The following COQ6 variants were observed in gnomAD, a reference collection of about 807,000 sequenced individuals.
COQ6 encodes the protein ubiquinone biosynthesis monooxygenase COQ6, mitochondrial.
COQ6 carries 45 observed loss-of-function variants against 55.5 expected under a neutral mutation model. That is an observed-to-expected ratio of 0.81 (90% CI 0.64 to 1.04). The LOEUF is 1.04. COQ6 is among the 50% of genes least tolerant of loss of function. The probability of loss-of-function intolerance (pLI) is 0.00; values close to 1 mark genes in which losing one functional copy is unlikely to be tolerated. For synonymous variants in COQ6, 206 were observed against 230.5 expected (o/e 0.89, Z 0.96); for missense variants, 550 against 601.3 (o/e 0.91, Z 0.89).
At position 73,963,113 on chromosome 14, in the gene COQ6, TTC is replaced by T. The variant is rs1566696422; in HGVS notation, c.*118_*119del. Reference sequence around the variant, plus strand: ...TTAATAAACTTACTTTACATTAAAATTCTCTTTTTCTTCTTTGCTTAATGGGC... The same window carrying T: ...TTAATAAACTTACTTTACATTAAAATTCTTTTTCTTCTTTGCTTAATGGGC... On this transcript the variant is annotated 3_prime_UTR_variant, in exon 12 of 12. Transcript: ENST00000334571. The T allele has an allele frequency of 2.1e-6, 2 of 939,260 alleles. No homozygotes were observed. Among genetic ancestry groups the T allele is most frequent in the Non-Finnish European group, 3.4e-6 (2 of 581,950 alleles). 58.2% of individuals were successfully genotyped at this position (939,260 alleles called of 1,614,324 possible).
Position 73,952,370 on chromosome 14 carries a change from C to G in COQ6, c.164-1065C>G, listed in dbSNP as rs544230655. On this transcript the variant is annotated intron_variant, in intron 1 of 11. Transcript: ENST00000334571. ...ACTCCTGAGCTCAACTGATCCATCA[C>G]CTCAGTCTCCCAAAGTGCTGGGATT... 7.9e-5 allele frequency among the ~76,000 whole-genome samples: 12 copies of G among 151,982 alleles called. No individual in the cohort carries two copies. In the South Asian group the frequency reaches 2.5e-3, roughly 32 times the overall value.
At chr14:73,960,396 G>C (rs1398533135) in intron 8 of COQ6, 3 of 987,986 alleles carry the variant, frequency 3.0e-6, no homozygotes, top group Non-Finnish European at 2.4e-6. Flanking sequence ...ATGGGTACCA[G>C]TATTACTTTT....
intron 2 of COQ6, 94 bp from the exon 3 acceptor site, chr14:73,955,357 C>A: frequency 1.1e-6 from 1 of 921,932 alleles, no homozygotes; most frequent in Non-Finnish European, 1.8e-6. Context: ...TTGAAGAACA[C>A]TGAAAACAAC....
intron 1 of COQ6, among the ~76,000 whole-genome samples, chr14:73,952,279 C>T (rs986685447): frequency 1.3e-5 from 2 of 151,728 alleles, no homozygotes; most frequent in African/African-American, 4.8e-5. Flanking sequence ...CCCGCCATCA[C>T]ACCTGGCTAA....
At chr14:73,954,619 G>A (rs1019361568) in intron 2 of COQ6, among the ~76,000 whole-genome samples, 3 of 151,934 alleles carry the variant, frequency 2.0e-5, no homozygotes, top group African/African-American at 7.3e-5. Flanking sequence ...TGAGGCAGGC[G>A]GATCACAGGG....
chr14:73,950,054 G>C (rs937641901), upstream of COQ6: 6 of 1,610,430 alleles, frequency 3.7e-6, no homozygotes, highest in East Asian at 2.2e-5. Context: ...AGCAGCGACA[G>C]TGACAGCGAT....
In COQ6 at chr14:73,950,326, C is replaced by G. The variant is rs981533235; in HGVS notation, c.-7C>G. On this transcript the variant is annotated 5_prime_UTR_variant, in exon 1 of 12. Coordinates refer to ENST00000334571, the MANE Select transcript of COQ6 (RefSeq NM_182476.3). ...GAGTTCTGAGTGCGACGGCGCAGGT[C>G]TGCACCATGGCGGCCCGGCTTGTCA... 9 of 1,549,658 alleles carry G rather than the reference C, an allele frequency of 5.8e-6. No individual in the cohort carries two copies. Among genetic ancestry groups the G allele is most frequent in the Non-Finnish European group, 7.8e-6 (9 of 1,150,330 alleles).
At chr14:73,958,646 C>T (rs1168179773) in intron 5 of COQ6, 2 of 1,299,350 alleles carry the variant, frequency 1.5e-6, no homozygotes. Context: ...CCATTCCTAA[C>T]CCTACATCAG....
rs2056557483 is a variant in COQ6, at chr14:73,958,622, T to C, written c.612+345T>C. On this transcript the variant is annotated intron_variant, in intron 5 of 11. Coordinates refer to ENST00000334571, the MANE Select transcript of COQ6 (RefSeq NM_182476.3). ...TCTCCTTTCTGCTCACAAGCTTCCCTTTTTGCATGGTAGCCATTCCTAACC... is the reference window on the plus strand; with the variant it reads ...TCTCCTTTCTGCTCACAAGCTTCCCCTTTTGCATGGTAGCCATTCCTAACC... The C allele has an allele frequency of 7.8e-6, 10 of 1,288,502 alleles. No individual in the cohort carries two copies. In the South Asian group the frequency reaches 1.6e-4, roughly 20 times the overall value. 79.8% of individuals were successfully genotyped at this position (1,288,502 alleles called of 1,614,324 possible). A position where few individuals can be genotyped will look rare whatever the true frequency, so the allele number is the denominator to read the frequency against.
At chr14:73,952,128 T>C (rs1367518114) in intron 1 of COQ6, among the ~76,000 whole-genome samples, 1 of 126,858 alleles carries the variant, frequency 7.9e-6, no homozygotes, top group African/African-American at 2.8e-5. Flanking sequence ...TTTTTTTTTT[T>C]TTTTTTTTTT....
Position 73,961,382 on chromosome 14 carries a change from C to T in COQ6, c.1094+7C>T, listed in dbSNP as rs372034799. The T allele has an allele frequency of 2.0e-5, 33 of 1,614,024 alleles. No individual in the cohort carries two copies. The East Asian group carries it at 5.3e-4, about 26-fold the overall frequency. The stretch of plus-strand genomic sequence containing the variant: ...CTCGGGTGGCGCTCATTGGGTAAGA[C>T]GATAACAGAGCAGGGCCACTCCCTT... On this transcript the variant is annotated splice_region_variant and intron_variant, in intron 9 of 11. Transcript: ENST00000334571.
intron 8 of COQ6, chr14:73,960,313 G>A (rs2056655819): frequency 2.0e-6 from 2 of 985,902 alleles, no homozygotes; most frequent in African/African-American, 3.5e-5. Context: ...TAAAATCCAT[G>A]GAACATCTTT....
At chr14:73,960,686 C>A in intron 8 of COQ6, 1 of 710,378 alleles carries the variant, frequency 1.4e-6, no homozygotes, top group Non-Finnish European at 1.8e-6. Context: ...TAAGGAAGAC[C>A]GTAAATGACA....
intron 8 of COQ6, 174 bp from the exon 9 acceptor site, chr14:73,960,999 G>T: frequency 1.3e-6 from 1 of 762,880 alleles, no homozygotes; most frequent in South Asian, 1.5e-5. Flanking sequence ...AAACCTCTGG[G>T]GAGTGATGAG....
At chr14:73,958,726 G>T in intron 5 of COQ6, 1 of 1,409,606 alleles carries the variant, frequency 7.1e-7, no homozygotes, top group Non-Finnish European at 9.2e-7. Context: ...AATATCAGGA[G>T]GGCCTGGCTG....
intron 4 of COQ6, 198 bp downstream of exon 4, chr14:73,956,126 C>T (rs972012120): frequency 1.2e-5 from 7 of 582,490 alleles, no homozygotes; most frequent in Admixed American, 1.0e-4. Context: ...AGATGGAGAC[C>T]ATCCTGGCTA....
In COQ6 at chr14:73,953,624, A is replaced by G. The variant is rs1322243748; in HGVS notation, c.298+55A>G. 2.5e-6 allele frequency: 4 copies of G among 1,608,392 alleles called. No individual in the cohort carries two copies. In the African/African-American group the frequency reaches 4.0e-5, roughly 16 times the overall value. ...AATCTCCTTTCCCACTTAGCTTTCT[A>G]GTGTATCCCATGGGGCAGAGTCATC... On this transcript the variant is annotated intron_variant, in intron 2 of 11. Transcript: ENST00000334571.
At position 73,961,676 on chromosome 14, in the gene COQ6, TAGG is replaced by T. The variant is rs957949925; in HGVS notation, c.1211-58_1211-56del. 89 of 1,610,414 alleles carry T rather than the reference TAGG, an allele frequency of 5.5e-5. No homozygotes were observed. In the African/African-American group the frequency reaches 1.1e-3, roughly 20 times the overall value. On this transcript the variant is annotated intron_variant, in intron 10 of 11. Transcript: ENST00000334571. The stretch of plus-strand genomic sequence containing the variant: ...TGGACATAAAATATATCTGGCTTGC[TAGG>T]AGATGGAAGAAAACCTTATTATTGG...
intron 11 of COQ6, among the ~76,000 whole-genome samples, chr14:73,962,201 C>T (rs997742071): frequency 6.6e-6 from 1 of 152,080 alleles, no homozygotes; most frequent in Non-Finnish European, 1.5e-5. Context: ...CTGCCTCGGC[C>T]TCCCAAAGTG....
Sources: allele counts gnomAD v4.1 joint callset (sites outside exome capture counted in the v4.1 genomes callset), GRCh38; gene constraint gnomAD v4.1.1; transcripts MANE v1.5; gene names NCBI Gene and HGNC (gene_info 2026-07-23, HGNC 2026-07-21).